MAP2: variants seen among roughly 807,000 people sequenced by gnomAD.
MAP2 encodes the protein microtubule-associated protein 2.
In MAP2, 14 loss-of-function variants were observed where a neutral mutation model predicts 137.6. The ratio of observed to expected loss-of-function variants is 0.10; its 90% CI spans 0.07 to 0.16. MAP2 has a LOEUF of 0.16. MAP2 is among the 10% of genes least tolerant of loss of function. The pLI, the probability that MAP2 is intolerant of heterozygous loss-of-function variation, is 1.00. For synonymous variants in MAP2, 786 were observed against 782.3 expected, an observed-to-expected ratio of 1.00 and a Z score of -0.08; for missense variants, 2,088 against 2,191.5, an observed-to-expected ratio of 0.95 and a Z score of 0.94.
chr2:209,558,135 G>A (rs1419281141), intron 2 of MAP2, among the ~76,000 whole-genome samples: 2 of 152,074 alleles, frequency 1.3e-5, no homozygotes, highest in Non-Finnish European at 2.9e-5. Context: ...TATATACCAT[G>A]TGCATACACA....
At chr2:209,671,769 G>A (rs2048930907) in intron 5 of MAP2, among the ~76,000 whole-genome samples, 1 of 151,824 alleles carries the variant, frequency 6.6e-6, no homozygotes, top group African/African-American at 2.4e-5. Context: ...TCAAGCATAT[G>A]CCAAGGTGCT....
intron 1 of MAP2, among the ~76,000 whole-genome samples, chr2:209,437,154 C>A (rs187846573): frequency 6.6e-6 from 1 of 151,726 alleles, no homozygotes; most frequent in East Asian, 1.9e-4. Flanking sequence ...TGTTGGAGGA[C>A]ATTTGTTAAA....
chr2:209,646,746 T>G (rs1188151369), intron 4 of MAP2, among the ~76,000 whole-genome samples: 2 of 152,154 alleles, frequency 1.3e-5, no homozygotes, highest in Admixed American at 6.5e-5. Flanking sequence ...TGTTTTATAG[T>G]GAGCTGGATA....
chr2:209,623,247 C>T (rs1441439485), intron 3 of MAP2, among the ~76,000 whole-genome samples: 1 of 152,030 alleles, frequency 6.6e-6, no homozygotes, highest in Non-Finnish European at 1.5e-5. Context: ...CGTGGAAGTG[C>T]GTGGGAGTGG....
Position 209,727,549 on chromosome 2 carries a change from C to T in MAP2, c.5155+1759C>T, listed in dbSNP as rs867979574. 5.9e-5 allele frequency among the ~76,000 whole-genome samples: 9 copies of T among 152,168 alleles called. 1 individual carries two copies. In the South Asian group the frequency reaches 1.4e-3, roughly 24 times the overall value. On this transcript the variant is annotated intron_variant, in intron 14 of 15. Transcript: ENST00000682079. ...AATCTAGCTCTTGCTTCTATTATAA[C>T]TGAATCAAATGACTAAATTCATAAA... is the stretch of plus-strand genomic sequence containing the variant.
Position 209,694,563 on chromosome 2 carries a change from A to G in MAP2, c.2393A>G (p.Asn798Ser), listed in dbSNP as rs1202998432. ...TTCCTAGCCAAAGATTTTTACAAAA[A>G]TGGTACTGTCATGGCACCTGACCTT... ...SPFLAKDFYKNGTVMAPDLPE... is the reference protein window; with the variant it reads ...SPFLAKDFYKSGTVMAPDLPE... Residue 798 changes from asparagine (N) to serine (S), a missense_variant, in exon 8 of 16, where the codon AAT becomes AGT. Physicochemically the swap from Asn to Ser is conservative, Grantham distance 46 (BLOSUM62 1). Around this residue, in one of 6 missense-constraint regions of MAP2, gnomAD observed 500 missense variants for 482.9 expected, o/e 1.04. Transcript: ENST00000682079. 1.2e-6 allele frequency: 2 copies of G among 1,614,108 alleles called. No individual in the cohort carries two copies. The highest frequency in any genetic ancestry group is 1.1e-5 in the South Asian group (1 of 91,076).
chr2:209,504,267 A>T (rs887331101), intron 1 of MAP2, among the ~76,000 whole-genome samples: 5 of 34,666 alleles, frequency 1.4e-4, no homozygotes, highest in Non-Finnish European at 3.0e-4. Context: ...ACTGAACTTT[A>T]AAAAAAAAAA....
intron 1 of MAP2, among the ~76,000 whole-genome samples, chr2:209,432,847 A>G (rs534571259): frequency 6.6e-6 from 1 of 152,288 alleles, no homozygotes; most frequent in East Asian, 1.9e-4. Flanking sequence ...ATAAATGCAG[A>G]TCTCTTAAAG....
chr2:209,545,863 G>A (rs555903626), intron 2 of MAP2, among the ~76,000 whole-genome samples: 6 of 152,124 alleles, frequency 3.9e-5, no homozygotes, highest in Non-Finnish European at 5.9e-5. Context: ...CTTTTTGGCC[G>A]GGCATGGTGG....
intron 3 of MAP2, among the ~76,000 whole-genome samples, chr2:209,605,706 A>ATACAGAAATAATTAT (rs1441304469): frequency 6.6e-6 from 1 of 152,168 alleles, no homozygotes; most frequent in Non-Finnish European, 1.5e-5. Flanking sequence ...AACTATTGTG[A>ATACAGAAATAATTAT]TACAGAAATA....
In MAP2 at chr2:209,731,708, G is replaced by A. The variant is rs2075799435; in HGVS notation, c.*1311G>A. On this transcript the variant is annotated 3_prime_UTR_variant, in exon 16 of 16. Transcript: ENST00000682079. ...ACATGTTTTCTCATTTTTCCAAATAGTATCTGTTTATTAAATTCTCTAATA... is the reference window on the plus strand; with the variant it reads ...ACATGTTTTCTCATTTTTCCAAATAATATCTGTTTATTAAATTCTCTAATA... The A allele has an allele frequency of 6.6e-6, 1 of 152,158 alleles. No homozygotes were observed. The highest frequency in any genetic ancestry group is 1.5e-5 in the Non-Finnish European group (1 of 67,954). The allele number at this position is 152,158 out of a possible 1,614,324, so 9.4% of individuals were successfully genotyped here.
At chr2:209,608,355 CAT>C (rs1010451502) in intron 3 of MAP2, among the ~76,000 whole-genome samples, 1 of 151,852 alleles carries the variant, frequency 6.6e-6, no homozygotes, top group African/African-American at 2.4e-5. Flanking sequence ...GTGACACAAT[CAT>C]AGCTCACTGC....
intron 4 of MAP2, among the ~76,000 whole-genome samples, chr2:209,634,443 A>G (rs1337643419): frequency 6.6e-6 from 1 of 152,062 alleles, no homozygotes; most frequent in Non-Finnish European, 1.5e-5. Flanking sequence ...GACTTCTTCC[A>G]TGTGTGGCTT....
chr2:209,521,927 A>G (rs1229946650), intron 2 of MAP2, among the ~76,000 whole-genome samples: 2 of 152,136 alleles, frequency 1.3e-5, no homozygotes, highest in African/African-American at 2.4e-5. Flanking sequence ...TATTAATTAA[A>G]TCATAAATTA....
intron 3 of MAP2, among the ~76,000 whole-genome samples, chr2:209,600,577 A>G (rs889242705): frequency 6.6e-6 from 1 of 152,058 alleles, no homozygotes; most frequent in African/African-American, 2.4e-5. Context: ...AATCCCCCAA[A>G]TGGCAAAGAT....
intron 1 of MAP2, among the ~76,000 whole-genome samples, chr2:209,506,752 T>C (rs1056879092): frequency 2.0e-4 from 31 of 152,198 alleles, no homozygotes; most frequent in African/African-American, 7.0e-4. Flanking sequence ...ACTGGAATTG[T>C]CTTATTTGAA....
chr2:209,705,654 T>C lies in MAP2; in HGVS notation c.4659T>C (p.Gly1553=), dbSNP rs749619288. ...RPSSILPPRR[G]VSGDRDENSF... ...CCTCCATTCTCCCTCCTCGGCGAGG[T>C]GTGTCAGGAGACAGAGATGAGAATT... Residue 1553 remains glycine, a synonymous_variant, in exon 12 of 16, where the codon GGT becomes GGC. Transcript: ENST00000682079. The C allele has an allele frequency of 3.1e-6, 5 of 1,613,356 alleles. No homozygotes were observed. The Admixed American group carries it at 6.7e-5, about 22-fold the overall frequency.
intron 1 of MAP2, among the ~76,000 whole-genome samples, chr2:209,492,083 A>C (rs758325059): frequency 1.7e-4 from 26 of 152,178 alleles, no homozygotes; most frequent in Non-Finnish European, 3.4e-4. Flanking sequence ...GCACATCAAA[A>C]ACTTATCGAC....
In MAP2 at chr2:209,694,780, T is replaced by G. The variant is rs1405753105; in HGVS notation, c.2610T>G (p.Cys870Trp). 6.2e-7 allele frequency: 1 copy of G among 1,614,030 alleles called. No homozygotes were observed. ...GTCAGCTCGAAGACCTGGGCTACTG[T>G]GTGTTCAATAAGTACACAGTCCCAT... ...TDSQLEDLGY[C>W]VFNKYTVPLP... Residue 870 changes from cysteine to tryptophan, a missense_variant, in exon 8 of 16, where the codon TGT becomes TGG. Physicochemically the swap from Cys to Trp is radical, Grantham distance 215. Transcript: ENST00000682079.
Sources: allele counts gnomAD v4.1 joint callset (sites outside exome capture counted in the v4.1 genomes callset), GRCh38; gene constraint gnomAD v4.1.1; regional missense constraint gnomAD v4.1.1; transcripts MANE v1.5; gene names NCBI Gene and HGNC (gene_info 2026-07-23, HGNC 2026-07-21).